PLCL1: variants seen among roughly 807,000 people sequenced by gnomAD.
The protein encoded by PLCL1 is inactive phospholipase C-like protein 1.
Under a neutral mutation model 84.4 loss-of-function variants are expected in PLCL1, and 41 were observed. The observed-to-expected ratio is 0.49, with a 90% confidence interval of 0.38 to 0.63. The LOEUF is 0.63. Among genes scored for constraint, PLCL1 ranks in the 30% least tolerant of loss-of-function variants. The pLI is 0.00. For missense variants in PLCL1, 1,206 were observed against 1,367.8 expected, an observed-to-expected ratio of 0.88 and a Z score of 1.87; for synonymous variants, 490 against 488.3, an observed-to-expected ratio of 1.00 and a Z score of -0.05.
In PLCL1 at chr2:198,147,015, A is replaced by T; in HGVS notation, c.*53A>T. 7.0e-7 allele frequency: 1 copy of T among 1,424,200 alleles called. No individual in the cohort carries two copies. Among genetic ancestry groups the T allele is most frequent in the Non-Finnish European group, 9.4e-7 (1 of 1,058,978 alleles). The allele number at this position is 1,424,200 out of a possible 1,614,324, so 88.2% of individuals were successfully genotyped here. On this transcript the variant is annotated 3_prime_UTR_variant, in exon 6 of 6. Coordinates refer to ENST00000428675, the MANE Select transcript of PLCL1 (RefSeq NM_006226.4). Reference sequence around the variant, plus strand: ...ATCTTATCAAGGACTCTGGTTTCTCATTCTTGTTTTCTTTCTTTAAATGTT... The same window carrying T: ...ATCTTATCAAGGACTCTGGTTTCTCTTTCTTGTTTTCTTTCTTTAAATGTT...
At chr2:198,044,332 A>T (rs1366162695) in intron 1 of PLCL1, among the ~76,000 whole-genome samples, 2 of 152,178 alleles carry the variant, frequency 1.3e-5, no homozygotes, top group Non-Finnish European at 2.9e-5. Context: ...TCCATGGAGC[A>T]CAATTTTTTA....
At chr2:197,989,615 A>G (rs1026599568) in intron 1 of PLCL1, among the ~76,000 whole-genome samples, 4 of 152,152 alleles carry the variant, frequency 2.6e-5, no homozygotes, top group African/African-American at 9.7e-5. Flanking sequence ...GAGGCATGAG[A>G]ATCATCTGAA....
At chr2:197,885,713 C>A (rs1687911061) in intron 1 of PLCL1, among the ~76,000 whole-genome samples, 1 of 152,190 alleles carries the variant, frequency 6.6e-6, no homozygotes, top group Non-Finnish European at 1.5e-5. Context: ...AACTTCATGT[C>A]CAAGACATCC....
At chr2:198,135,766 A>G (rs1441231598) in intron 5 of PLCL1, among the ~76,000 whole-genome samples, 2 of 152,234 alleles carry the variant, frequency 1.3e-5, no homozygotes, top group Non-Finnish European at 2.9e-5. Flanking sequence ...CAGGTCTGTC[A>G]CAAAAGATAA....
At chr2:197,949,818 C>T (rs957284798) in intron 1 of PLCL1, among the ~76,000 whole-genome samples, 23 of 152,058 alleles carry the variant, frequency 1.5e-4, no homozygotes, top group African/African-American at 5.6e-4. Context: ...CTTATGCTTC[C>T]CTTTAAATAA....
intron 1 of PLCL1, among the ~76,000 whole-genome samples, chr2:197,820,367 G>A (rs1690792176): frequency 1.3e-5 from 2 of 152,088 alleles, no homozygotes; most frequent in African/African-American, 4.8e-5. Flanking sequence ...GTGTTCCTCT[G>A]TGCATTGTCA....
At chr2:197,931,594 AT>A (rs1471126125) in intron 1 of PLCL1, among the ~76,000 whole-genome samples, 3 of 86,594 alleles carry the variant, frequency 3.5e-5, no homozygotes, top group African/African-American at 1.9e-4. Flanking sequence ...CTTATTGAGT[AT>A]GATTCAAGAA....
intron 1 of PLCL1, among the ~76,000 whole-genome samples, chr2:197,904,552 GTA>G (rs1179290812): frequency 6.6e-6 from 1 of 152,150 alleles, no homozygotes; most frequent in East Asian, 1.9e-4. Flanking sequence ...GGTGCCTACA[GTA>G]TATGACTTTA....
At chr2:197,964,813 A>G (rs1234015286) in intron 1 of PLCL1, among the ~76,000 whole-genome samples, 1 of 152,154 alleles carries the variant, frequency 6.6e-6, no homozygotes, top group Admixed American at 6.5e-5. Context: ...GGATTTTATC[A>G]AATGCTTTTT....
At chr2:197,857,003 G>A (rs1687341264) in intron 1 of PLCL1, among the ~76,000 whole-genome samples, 5 of 152,012 alleles carry the variant, frequency 3.3e-5, no homozygotes, top group Admixed American at 3.3e-4. Context: ...AAGAGGGAGA[G>A]GATCAGGAAA....
Position 198,147,021 on chromosome 2 carries a change from G to C in PLCL1, c.*59G>C. The C allele has an allele frequency of 7.2e-7, 1 of 1,389,412 alleles. No individual in the cohort carries two copies. Among genetic ancestry groups the C allele is most frequent in the Non-Finnish European group, 9.7e-7 (1 of 1,034,208 alleles). 86.1% of individuals were successfully genotyped at this position (1,389,412 alleles called of 1,614,324 possible). A position where few individuals can be genotyped will look rare whatever the true frequency, so the allele number is the denominator to read the frequency against. On this transcript the variant is annotated 3_prime_UTR_variant, in exon 6 of 6. Transcript: ENST00000428675. ...TCAAGGACTCTGGTTTCTCATTCTT[G>C]TTTTCTTTCTTTAAATGTTTTATAA...
intron 5 of PLCL1, among the ~76,000 whole-genome samples, chr2:198,109,150 G>A (rs1010878861): frequency 6.6e-6 from 1 of 151,866 alleles, no homozygotes; most frequent in South Asian, 2.1e-4. Context: ...TCTTGGGGCT[G>A]AGAAATCCAA....
intron 1 of PLCL1, among the ~76,000 whole-genome samples, chr2:198,004,447 T>C (rs1690678918): frequency 1.3e-5 from 2 of 152,230 alleles, no homozygotes; most frequent in Admixed American, 1.3e-4. Context: ...TGTGTCCTAC[T>C]GATATGACTT....
chr2:198,137,518 C>CG (rs764741781), intron 5 of PLCL1, among the ~76,000 whole-genome samples: 2 of 152,134 alleles, frequency 1.3e-5, no homozygotes, highest in Non-Finnish European at 2.9e-5. Flanking sequence ...GCCATAAAGG[C>CG]GGTAACCTTC....
Position 197,906,044 on chromosome 2 carries a change from T to A in PLCL1, c.240+100705T>A, listed in dbSNP as rs573844711. ...CTGTTCACTCTGATGATAGTTTCTT[T>A]TGCTGTGCAGAAGCTCTTTAGTTTA... On this transcript the variant is annotated intron_variant, in intron 1 of 5. Transcript: ENST00000428675. Among the ~76,000 whole-genome samples the A allele has an allele frequency of 9.0e-4, 137 of 152,350 alleles. 1 individual carries two copies. The South Asian group carries it at 0.026, about 29-fold the overall frequency.
chr2:198,003,119 C>G (rs761961369), intron 1 of PLCL1, among the ~76,000 whole-genome samples: 17 of 151,948 alleles, frequency 1.1e-4, no homozygotes, highest in Non-Finnish European at 1.9e-4. Context: ...ATGAACTACA[C>G]AGAATCATAA....
intron 5 of PLCL1, among the ~76,000 whole-genome samples, chr2:198,106,440 A>G (rs1693476403): frequency 1.3e-5 from 2 of 151,866 alleles, no homozygotes; most frequent in South Asian, 4.1e-4. Context: ...CCAGTGGAGG[A>G]GGGGGATGGA....
chr2:197,923,878 G>A (rs1688775730), intron 1 of PLCL1, among the ~76,000 whole-genome samples: 5 of 151,276 alleles, frequency 3.3e-5, no homozygotes, highest in African/African-American at 1.2e-4. Flanking sequence ...ATTGAGCACT[G>A]AGTGAACGAG....
intron 1 of PLCL1, among the ~76,000 whole-genome samples, chr2:197,941,302 T>C (rs1689153925): frequency 6.6e-6 from 1 of 152,112 alleles, no homozygotes; most frequent in South Asian, 2.1e-4. Flanking sequence ...ACTATTTTTT[T>C]TTTTTTTGAG....
Sources: gnomAD v4.1 joint callset for allele counts (sites outside exome capture counted in the v4.1 genomes callset) on GRCh38, gnomAD v4.1.1 for gene constraint, MANE v1.5 for transcripts, NCBI Gene and HGNC (gene_info 2026-07-23, HGNC 2026-07-21) for gene names.